The following HS2ST1 variants were observed in gnomAD, a reference collection of about 807,000 sequenced individuals.
HS2ST1 encodes heparan sulfate 2-O-sulfotransferase 1.
A neutral mutation model predicts 42.9 loss-of-function variants in HS2ST1; 18 were observed. The ratio of observed to expected loss-of-function variants is 0.42; its 90% CI spans 0.29 to 0.62. The LOEUF (loss-of-function observed/expected upper bound fraction) is 0.62. Ranked by LOEUF, HS2ST1 falls within the 20% of genes least tolerant of loss-of-function variation. The pLI is 0.21. For synonymous variants in HS2ST1, 146 were observed against 152.9 expected (o/e 0.95, Z 0.33); for missense variants, 334 against 433.8 (o/e 0.77, Z 2.04).
intron 1 of HS2ST1, among the ~76,000 whole-genome samples, chr1:86,929,239 T>C (rs1660489818): frequency 6.6e-6 from 1 of 151,876 alleles, no homozygotes; most frequent in Non-Finnish European, 1.5e-5. Flanking sequence ...CTCTTTGCCA[T>C]TGTTGTCTTT....
At chr1:86,948,981 A>G in intron 1 of HS2ST1, among the ~76,000 whole-genome samples, 1 of 152,212 alleles carries the variant, frequency 6.6e-6, no homozygotes, top group South Asian at 2.1e-4. Flanking sequence ...GCCTACAGAA[A>G]GTTCTCAAAG....
chr1:86,923,873 T>C (rs1424475853), intron 1 of HS2ST1, among the ~76,000 whole-genome samples: 2 of 152,212 alleles, frequency 1.3e-5, no homozygotes, highest in East Asian at 1.9e-4. Context: ...ATTCCACCCC[T>C]GGCCCCTCCC....
intron 3 of HS2ST1, among the ~76,000 whole-genome samples, chr1:87,086,554 A>G (rs1651819993): frequency 6.6e-6 from 1 of 152,182 alleles, no homozygotes; most frequent in South Asian, 2.1e-4. Context: ...TATCAGAGAC[A>G]TTAAAACGAA....
intron 1 of HS2ST1, among the ~76,000 whole-genome samples, chr1:86,952,966 A>C (rs921469924): frequency 1.3e-5 from 2 of 152,284 alleles, no homozygotes; most frequent in African/African-American, 4.8e-5. Flanking sequence ...TATAGCTATG[A>C]AAGTCCTAGA....
intron 4 of HS2ST1, among the ~76,000 whole-genome samples, chr1:87,096,168 T>C (rs1652062991): frequency 6.6e-6 from 1 of 152,176 alleles, no homozygotes; most frequent in South Asian, 2.1e-4. Flanking sequence ...TTGCGGCTAT[T>C]CTTTAATAAA....
intron 1 of HS2ST1, among the ~76,000 whole-genome samples, chr1:86,953,645 G>A (rs938374210): frequency 2.6e-5 from 4 of 152,144 alleles, no homozygotes; most frequent in African/African-American, 7.2e-5. Context: ...CTGTAATCCA[G>A]CTACTCAGGT....
chr1:87,073,391 A>C (rs900344074), intron 2 of HS2ST1, among the ~76,000 whole-genome samples: 4 of 152,230 alleles, frequency 2.6e-5, no homozygotes, highest in African/African-American at 9.6e-5. Flanking sequence ...TTGTGAAGTA[A>C]ATGAATTAAT....
chr1:87,002,208 G>A (rs10782589), intron 1 of HS2ST1, among the ~76,000 whole-genome samples: 2 of 152,048 alleles, frequency 1.3e-5, no homozygotes, highest in African/African-American at 4.8e-5. Flanking sequence ...CACCGTGCCC[G>A]GCCGGACTAT....
At chr1:87,097,782 T>A in intron 4 of HS2ST1, 56 bp from the exon 5 acceptor site, 1 of 1,600,090 alleles carries the variant, frequency 6.2e-7, no homozygotes, top group Non-Finnish European at 8.6e-7. Context: ...CATTAGATAT[T>A]TGATAGGTGA....
chr1:87,041,967 A>G (rs1276380572), intron 1 of HS2ST1, among the ~76,000 whole-genome samples: 3 of 152,160 alleles, frequency 2.0e-5, no homozygotes, highest in African/African-American at 7.2e-5. Flanking sequence ...ACACAGAACT[A>G]CCATATCCCA....
intron 1 of HS2ST1, among the ~76,000 whole-genome samples, chr1:87,042,579 T>C (rs559130041): frequency 2.8e-4 from 43 of 152,218 alleles, no homozygotes; most frequent in African/African-American, 9.4e-4. Context: ...TGGATAGATA[T>C]ACCTTCACTG....
At chr1:86,920,363 A>G (rs1660268050) in intron 1 of HS2ST1, among the ~76,000 whole-genome samples, 1 of 152,234 alleles carries the variant, frequency 6.6e-6, no homozygotes, top group Admixed American at 6.5e-5. Context: ...TCCTGAAACC[A>G]TGCAGCAATA....
intron 1 of HS2ST1, chr1:87,045,772 T>C (rs1650638553): frequency 1.1e-6 from 1 of 918,368 alleles, no homozygotes; most frequent in Non-Finnish European, 1.8e-6. Context: ...ATCCTGAGGT[T>C]TGTAGCAGAG....
chr1:87,082,708 C>G (rs1416635313), intron 2 of HS2ST1, among the ~76,000 whole-genome samples: 5 of 152,134 alleles, frequency 3.3e-5, no homozygotes, highest in African/African-American at 9.7e-5. Context: ...GATGCAGGCT[C>G]TGGATTATTT....
chr1:87,031,166 C>T (rs1219215185), intron 1 of HS2ST1, among the ~76,000 whole-genome samples: 2 of 152,080 alleles, frequency 1.3e-5, no homozygotes, highest in Non-Finnish European at 2.9e-5. Flanking sequence ...GTCTTGAGCT[C>T]CTGGCCTCAA....
intron 1 of HS2ST1, among the ~76,000 whole-genome samples, chr1:86,955,591 CTAAA>C (rs1306809390): frequency 6.6e-6 from 1 of 151,888 alleles, no homozygotes; most frequent in Non-Finnish European, 1.5e-5. Flanking sequence ...GGGTGGGGAG[CTAAA>C]TAAATAATCT....
chr1:86,998,743 T>A (rs1230089674), intron 1 of HS2ST1, among the ~76,000 whole-genome samples: 1 of 152,226 alleles, frequency 6.6e-6, no homozygotes, highest in Non-Finnish European at 1.5e-5. Flanking sequence ...AACTTTTCAA[T>A]GAAATTCAAT....
At chr1:86,955,918 G>T (rs1317797154) in intron 1 of HS2ST1, among the ~76,000 whole-genome samples, 9 of 152,156 alleles carry the variant, frequency 5.9e-5, no homozygotes, top group Non-Finnish European at 1.2e-4. Context: ...GTCCTGGAGG[G>T]GTGGAGGTTG....
chr1:86,953,313 A>G (rs1647577403), intron 1 of HS2ST1, among the ~76,000 whole-genome samples: 1 of 152,202 alleles, frequency 6.6e-6, no homozygotes, highest in Non-Finnish European at 1.5e-5. Context: ...CATTTCAGCG[A>G]TAAGGCAGTT....
Sources: gnomAD v4.1 joint callset for allele counts (sites outside exome capture counted in the v4.1 genomes callset) on GRCh38, gnomAD v4.1.1 for gene constraint, MANE v1.5 for transcripts, NCBI Gene and HGNC (gene_info 2026-07-23, HGNC 2026-07-21) for gene names.